The following STIM1 variants were observed in gnomAD, a reference collection of about 807,000 sequenced individuals.
The protein encoded by STIM1 is stromal interaction molecule 1.
STIM1 carries 25 observed loss-of-function variants against 74.7 expected under a neutral mutation model. That is an observed-to-expected ratio of 0.33 (90% CI 0.24 to 0.47). STIM1 has a LOEUF of 0.47. Among genes scored for constraint, STIM1 ranks in the 20% least tolerant of loss-of-function variants. The probability of loss-of-function intolerance (pLI) is 1.00; values close to 1 mark genes in which losing one functional copy is unlikely to be tolerated. For synonymous variants in STIM1, 328 were observed against 348.8 expected (o/e 0.94, Z 0.66); for missense variants, 728 against 920.8 (o/e 0.79, Z 2.71).
chr11:4,086,284 G>T (rs2094492537), intron 11 of STIM1, 193 bp from the exon 12 acceptor site: 2 of 633,046 alleles, frequency 3.2e-6, no homozygotes, highest in Admixed American at 2.9e-5. Flanking sequence ...AAACTGACCT[G>T]GGCACTTCAT....
intron 1 of STIM1, among the ~76,000 whole-genome samples, chr11:3,960,678 C>T (rs1028691138): frequency 5.3e-5 from 8 of 152,146 alleles, no homozygotes; most frequent in Admixed American, 1.3e-4. Context: ...GGTATAGTCT[C>T]GTATAAGGTA....
chr11:4,031,717 T>G (rs1276180958), intron 3 of STIM1, among the ~76,000 whole-genome samples: 1 of 152,232 alleles, frequency 6.6e-6, no homozygotes, highest in African/African-American at 2.4e-5. Flanking sequence ...TGCTTTTTAT[T>G]GGGTTGTTTT....
At chr11:3,990,267 CA>C (rs1426594111) in intron 2 of STIM1, among the ~76,000 whole-genome samples, 6 of 152,124 alleles carry the variant, frequency 3.9e-5, no homozygotes, top group African/African-American at 1.4e-4. Flanking sequence ...TTTTCATGGG[CA>C]AATAATATTC....
rs187000969 is a variant in STIM1, at chr11:3,915,268, T to G, written c.140-52284T>G. Among the ~76,000 whole-genome samples, 7 of 152,318 alleles carry G rather than the reference T, an allele frequency of 4.6e-5. No homozygotes were observed. In the East Asian group the frequency reaches 1.2e-3, roughly 25 times the overall value. On this transcript the variant is annotated intron_variant, in intron 1 of 12. Transcript: ENST00000526596. The stretch of plus-strand genomic sequence containing the variant: ...ACTGTAGCTTTAAATTTATTTTTAT[T>G]TTTTAGAGACGAGATTTTGCTATGT...
chr11:3,868,520 A>G (rs1279572298), intron 1 of STIM1, among the ~76,000 whole-genome samples: 1 of 152,242 alleles, frequency 6.6e-6, no homozygotes, highest in Non-Finnish European at 1.5e-5. Flanking sequence ...CGGGGAAGAA[A>G]CAGCTATCTG....
At chr11:3,996,133 AGAG>A (rs2093661566) in intron 2 of STIM1, among the ~76,000 whole-genome samples, 1 of 152,140 alleles carries the variant, frequency 6.6e-6, no homozygotes, top group Non-Finnish European at 1.5e-5. Context: ...TCCCCTGGGA[AGAG>A]ATTCAGATCT....
chr11:3,893,963 A>G (rs1312736272), intron 1 of STIM1, among the ~76,000 whole-genome samples: 3 of 152,124 alleles, frequency 2.0e-5, no homozygotes, highest in African/African-American at 7.2e-5. Flanking sequence ...TATTTTTTGT[A>G]GAGATGGGGT....
rs532020188 is a variant in STIM1 at position 4,074,427 on chromosome 11, G to A, written c.792-75G>A. 2,892 of 1,530,196 alleles carry A rather than the reference G, an allele frequency of 1.9e-3. 8 individuals carry two copies. The highest frequency in any genetic ancestry group is 2.5e-3 in the Middle Eastern group (11 of 4,346). 94.8% of individuals were successfully genotyped at this position (1,530,196 alleles called of 1,614,324 possible). A position where few individuals can be genotyped will look rare whatever the true frequency, so the allele number is the denominator to read the frequency against. On this transcript the variant is annotated intron_variant, in intron 6 of 12. Coordinates refer to ENST00000526596, the MANE Select transcript of STIM1 (RefSeq NM_001382567.1). ...AGTTGGAGCTGTCATTTTCCTCTTTGATGCCATGACTCATGGCATGTTGGC... is the reference window on the plus strand; with the variant it reads ...AGTTGGAGCTGTCATTTTCCTCTTTAATGCCATGACTCATGGCATGTTGGC...
chr11:3,946,629 C>G (rs186648211), intron 1 of STIM1, among the ~76,000 whole-genome samples: 1 of 152,154 alleles, frequency 6.6e-6, no homozygotes, highest in Non-Finnish European at 1.5e-5. Flanking sequence ...CAATCAGAAG[C>G]ATTTTAATTT....
intron 1 of STIM1, among the ~76,000 whole-genome samples, chr11:3,932,183 G>A (rs983232112): frequency 6.6e-6 from 1 of 152,162 alleles, no homozygotes; most frequent in Non-Finnish European, 1.5e-5. Flanking sequence ...TCTCTTCCGT[G>A]TATGTAAGCC....
chr11:3,876,685 G>A (rs2135298021), intron 1 of STIM1, among the ~76,000 whole-genome samples: 1 of 152,246 alleles, frequency 6.6e-6, no homozygotes, highest in Non-Finnish European at 1.5e-5. Flanking sequence ...ATGGAATTAT[G>A]GGCCACTGGG....
intron 1 of STIM1, among the ~76,000 whole-genome samples, chr11:3,948,134 T>C (rs2135648285): frequency 6.6e-6 from 1 of 152,226 alleles, no homozygotes; most frequent in Non-Finnish European, 1.5e-5. Context: ...GACCTCAAAA[T>C]GGGAGACTTA....
rs75035750 is a variant in STIM1 at position 3,987,560 on chromosome 11, C to T, written c.270+19878C>T. ...TGCATAGAACAGTGGTTCTTTCCTT[C>T]GAGGACCAACTCTCTTCTATATATC... On this transcript the variant is annotated intron_variant, in intron 2 of 12. Coordinates refer to ENST00000526596, the MANE Select transcript of STIM1 (RefSeq NM_001382567.1). Among the ~76,000 whole-genome samples the T allele has an allele frequency of 3.9e-3, 596 of 152,208 alleles. 4 individuals carry two copies. Among genetic ancestry groups the T allele is most frequent in the African/African-American group, 0.013 (546 of 41,516 alleles).
intron 1 of STIM1, among the ~76,000 whole-genome samples, chr11:3,917,473 C>T (rs182953234): frequency 3.5e-4 from 51 of 146,592 alleles, no homozygotes; most frequent in African/African-American, 1.2e-3. Context: ...CTGGCTCTGT[C>T]GGCCAGGCTG....
intron 1 of STIM1, among the ~76,000 whole-genome samples, chr11:3,906,510 T>C (rs548457581): frequency 3.3e-5 from 5 of 152,332 alleles, no homozygotes; most frequent in Admixed American, 2.0e-4. Flanking sequence ...TTCCAAAGAT[T>C]TGCCAATTCT....
At chr11:3,858,057 A>G (rs1021197726) in intron 1 of STIM1, among the ~76,000 whole-genome samples, 1 of 152,194 alleles carries the variant, frequency 6.6e-6, no homozygotes, top group Non-Finnish European at 1.5e-5. Context: ...CCTAATTATC[A>G]TCTCTTCCTG....
chr11:3,956,951 G>A (rs1469883227), intron 1 of STIM1, among the ~76,000 whole-genome samples: 3 of 150,922 alleles, frequency 2.0e-5, no homozygotes, highest in Non-Finnish European at 4.4e-5. Context: ...GTCAGGCACT[G>A]TACGAGTCCC....
At chr11:3,986,768 A>G (rs889282722) in intron 2 of STIM1, among the ~76,000 whole-genome samples, 1 of 152,244 alleles carries the variant, frequency 6.6e-6, no homozygotes, top group African/African-American at 2.4e-5. Flanking sequence ...TCTATGAGAT[A>G]GGGACACCAG....
chr11:4,084,920 G>C (rs929688262), intron 11 of STIM1, among the ~76,000 whole-genome samples, 155 bp downstream of exon 11: 1 of 152,132 alleles, frequency 6.6e-6, no homozygotes, highest in South Asian at 2.1e-4. Flanking sequence ...GGAGGGGTTC[G>C]GGGGTGAGAA....
Sources: allele counts gnomAD v4.1 joint callset (sites outside exome capture counted in the v4.1 genomes callset), GRCh38; gene constraint gnomAD v4.1.1; transcripts MANE v1.5; gene names NCBI Gene and HGNC (gene_info 2026-07-23, HGNC 2026-07-21).